NOSTRIN: variants seen among roughly 807,000 people sequenced by gnomAD.
NOSTRIN encodes BM247 homolog.
NOSTRIN carries 63 observed loss-of-function variants against 59.0 expected under a neutral mutation model. The observed-to-expected ratio is 1.07, with a 90% CI of 0.87 to 1.32. The LOEUF (loss-of-function observed/expected upper bound fraction) is 1.32, where lower values mean the gene tolerates loss of function less well. NOSTRIN is among the 40% of genes most tolerant of loss of function. The pLI is 0.00. For missense variants in NOSTRIN, 512 were observed against 473.1 expected (o/e 1.08, Z -0.76); for synonymous variants, 200 against 165.4 (o/e 1.21, Z -1.61).
rs138985035 is a variant in NOSTRIN, at chr2:168,824,456, G to A, written c.114-178G>A. Among the ~76,000 whole-genome samples the A allele has an allele frequency of 5.3e-3, 811 of 152,118 alleles. 5 individuals carry two copies. The highest frequency in any genetic ancestry group is 0.017 in the African/African-American group (693 of 41,516). ...TGGGATTATAGGCGCCTGCCACCAC[G>A]CCTGGCTAATTTTTGTATTTTTAGT... is the stretch of plus-strand genomic sequence containing the variant. On this transcript the variant is annotated intron_variant, in intron 2 of 15. Transcript: ENST00000317647.
intron 10 of NOSTRIN, among the ~76,000 whole-genome samples, chr2:168,854,088 C>T (rs993977731): frequency 1.3e-5 from 2 of 152,118 alleles, no homozygotes; most frequent in African/African-American, 2.4e-5. Context: ...AGGCTGGTCT[C>T]GAACTCCTGA....
chr2:168,834,507 G>GCGCGCGCACACACACACACACACA (rs756381301), intron 7 of NOSTRIN, among the ~76,000 whole-genome samples, 182 bp downstream of exon 7: 8 of 125,432 alleles, frequency 6.4e-5, no homozygotes, highest in Middle Eastern at 8.3e-3. Flanking sequence ...GCGCGCGCGC[G>GCGCGCGCACACACACACACACACA]CACACACACA....
At position 168,865,130 on chromosome 2, in the gene NOSTRIN, A is replaced by C. The variant is rs62176770; in HGVS notation, c.*160A>C. 1.3e-6 allele frequency: 1 copy of C among 763,086 alleles called. No homozygotes were observed. The highest frequency in any genetic ancestry group is 2.0e-6 in the Non-Finnish European group (1 of 488,944). 47.3% of individuals were successfully genotyped at this position (763,086 alleles called of 1,614,324 possible). ...TTTGCATTCATGATTATTAGCTTGA[A>C]ACAGTCAGAAAAAAGATGGATGGGT... is the stretch of plus-strand genomic sequence containing the variant. On this transcript the variant is annotated 3_prime_UTR_variant, in exon 16 of 16. Transcript: ENST00000317647.
chr2:168,822,801 T>C (rs1384337435), intron 2 of NOSTRIN, among the ~76,000 whole-genome samples: 1 of 152,210 alleles, frequency 6.6e-6, no homozygotes, highest in Non-Finnish European at 1.5e-5. Context: ...GACTTCCTAC[T>C]GAGCCTTGTG....
intron 1 of NOSTRIN, among the ~76,000 whole-genome samples, chr2:168,811,150 A>G (rs1325082098): frequency 1.3e-5 from 2 of 152,170 alleles, no homozygotes; most frequent in Non-Finnish European, 2.9e-5. Flanking sequence ...CTAATGGCTC[A>G]TGGTTTGTCA....
chr2:168,826,959 G>A (rs183577433), intron 3 of NOSTRIN, among the ~76,000 whole-genome samples: 2 of 152,058 alleles, frequency 1.3e-5, no homozygotes, highest in Admixed American at 6.5e-5. Flanking sequence ...GGAATCTCCT[G>A]TAATTGTAAG....
intron 2 of NOSTRIN, among the ~76,000 whole-genome samples, chr2:168,822,924 A>G (rs1686833378): frequency 6.6e-6 from 1 of 152,220 alleles, no homozygotes; most frequent in African/African-American, 2.4e-5. Flanking sequence ...TTTATTGCCA[A>G]CGATTATAAT....
chr2:168,850,965 G>A, intron 8 of NOSTRIN, 119 bp from the exon 9 acceptor site: 1 of 831,430 alleles, frequency 1.2e-6, no homozygotes, highest in Non-Finnish European at 2.0e-6. Flanking sequence ...ATATGACATA[G>A]TCAAGAGGCT....
upstream of NOSTRIN, among the ~76,000 whole-genome samples, chr2:168,796,648 C>G (rs934745230): frequency 6.6e-6 from 1 of 152,182 alleles, no homozygotes; most frequent in Non-Finnish European, 1.5e-5. Context: ...CTGTTTATAT[C>G]TTTTAACCAA....
chr2:168,800,151 C>A (rs1446144742), upstream of NOSTRIN, among the ~76,000 whole-genome samples: 3 of 152,232 alleles, frequency 2.0e-5, no homozygotes, highest in Non-Finnish European at 4.4e-5. Context: ...TAGCTCCCAG[C>A]CAGCCCCCTG....
intron 5 of NOSTRIN, among the ~76,000 whole-genome samples, 156 bp downstream of exon 5, chr2:168,828,657 T>A (rs1687187704): frequency 6.6e-6 from 1 of 151,980 alleles, no homozygotes; most frequent in Non-Finnish European, 1.5e-5. Flanking sequence ...AAATGAATAA[T>A]AAAAAACACA....
chr2:168,814,309 T>C (rs1686292105), intron 2 of NOSTRIN, among the ~76,000 whole-genome samples: 1 of 152,188 alleles, frequency 6.6e-6, no homozygotes, highest in Admixed American at 6.5e-5. Flanking sequence ...TCAACAAGGA[T>C]GGATGGTCAC....
rs1265694143 is a variant in NOSTRIN at position 168,859,729 on chromosome 2, A to G, written c.1179+92A>G. 2.1e-6 allele frequency: 3 copies of G among 1,440,046 alleles called. No homozygotes were observed. The East Asian group carries it at 7.0e-5, about 34-fold the overall frequency. The allele number at this position is 1,440,046 out of a possible 1,614,324, so 89.2% of individuals were successfully genotyped here. A position where few individuals can be genotyped will look rare whatever the true frequency, so the allele number is the denominator to read the frequency against. The stretch of plus-strand genomic sequence containing the variant: ...CATCAGGGCAAAAAAGGTGTTAGGA[A>G]TTCTATGTGATATTAATATTCATGC... On this transcript the variant is annotated intron_variant, in intron 13 of 15. Coordinates refer to ENST00000317647, the MANE Select transcript of NOSTRIN (RefSeq NM_001039724.4).
chr2:168,842,086 T>C (rs998015563), intron 7 of NOSTRIN, among the ~76,000 whole-genome samples: 1 of 152,080 alleles, frequency 6.6e-6, no homozygotes, highest in Non-Finnish European at 1.5e-5. Flanking sequence ...TTATGGACAG[T>C]TTTTACACAG....
chr2:168,834,491 G>A lies in NOSTRIN; in HGVS notation c.504+166G>A, dbSNP rs1174329951. Among the ~76,000 whole-genome samples the A allele has an allele frequency of 3.1e-4, 15 of 48,660 alleles. No homozygotes were observed. In the Admixed American group the frequency reaches 4.3e-3, roughly 14 times the overall value. The allele number at this position is 48,660 out of a possible 152,430, so 31.9% of individuals were successfully genotyped here. A position where few individuals can be genotyped will look rare whatever the true frequency, so the allele number is the denominator to read the frequency against. The stretch of plus-strand genomic sequence containing the variant: ...GGGGATTCCAAATCATTACTGGCGT[G>A]CGCGCGCGCGCGCGCGCACACACAC... On this transcript the variant is annotated intron_variant, in intron 7 of 15. Transcript: ENST00000317647.
At chr2:168,797,622 C>T (rs1441704434), upstream of NOSTRIN, among the ~76,000 whole-genome samples, 2 of 152,082 alleles carry the variant, frequency 1.3e-5, no homozygotes, top group African/African-American at 4.8e-5. Context: ...ATGTCATCAT[C>T]TCAACTGTCA....
intron 3 of NOSTRIN, 51 bp downstream of exon 3, chr2:168,824,768 T>TTTTGTTTGTTTG (rs11374385): frequency 0.44 from 322,515 of 735,746 alleles, 79,546 homozygotes; most frequent in East Asian, 0.69. Flanking sequence ...TTTATTTGTT[T>TTTTGTTTGTTTG]TTTGTTTGTT....
intron 8 of NOSTRIN, 39 bp from the exon 9 acceptor site, chr2:168,851,045 A>G: frequency 8.5e-7 from 1 of 1,178,280 alleles, no homozygotes; most frequent in Non-Finnish European, 1.3e-6. Flanking sequence ...ATTTTGCATA[A>G]CAACTGGCTG....
intron 2 of NOSTRIN, among the ~76,000 whole-genome samples, chr2:168,818,572 G>A (rs1686546847): frequency 6.6e-6 from 1 of 151,960 alleles, no homozygotes; most frequent in Non-Finnish European, 1.5e-5. Flanking sequence ...TTGATTACAT[G>A]GTCACATATT....
Sources: allele counts gnomAD v4.1 joint callset (sites outside exome capture counted in the v4.1 genomes callset), GRCh38; gene constraint gnomAD v4.1.1; transcripts MANE v1.5; gene names NCBI Gene and HGNC (gene_info 2026-07-23, HGNC 2026-07-21).